Variants in PPARGC1A observed in about 807,000 individuals in gnomAD.
PPARGC1A encodes peroxisome proliferator-activated receptor gamma coactivator 1-alpha.
PPARGC1A carries 25 observed loss-of-function variants against 88.7 expected under a neutral mutation model. The observed-to-expected ratio is 0.28, with a 90% CI of 0.21 to 0.39. The LOEUF (loss-of-function observed/expected upper bound fraction) is 0.39, where lower values mean the gene tolerates loss of function less well. Among genes scored for constraint, PPARGC1A ranks in the 10% least tolerant of loss-of-function variants. PPARGC1A has a pLI of 1.00. For synonymous variants in PPARGC1A, 363 were observed against 355.6 expected, an observed-to-expected ratio of 1.02 and a Z score of -0.24; for missense variants, 880 against 968.7, an observed-to-expected ratio of 0.91 and a Z score of 1.22.
chr4:24,182,171 G>A, the PPARGC1A span, among the ~76,000 whole-genome samples: 3 of 152,058 alleles, frequency 2.0e-5, no homozygotes, highest in East Asian at 1.9e-4. Context: ...GACAGGCTTC[G>A]GTGTGTGATG....
the PPARGC1A span, among the ~76,000 whole-genome samples, chr4:24,157,351 G>C: frequency 1.3e-5 from 2 of 152,102 alleles, no homozygotes; most frequent in Admixed American, 1.3e-4. Context: ...TCTTCTAATA[G>C]TGTCAGCCTC....
At chr4:23,915,902 C>A in the PPARGC1A span, among the ~76,000 whole-genome samples, 123 of 152,324 alleles carry the variant, frequency 8.1e-4, 1 homozygote, top group Middle Eastern at 6.8e-3. Context: ...AAGGCCACCA[C>A]CCCCTCCCTG....
chr4:24,175,538 C>CT, the PPARGC1A span, among the ~76,000 whole-genome samples: 18,330 of 84,872 alleles, frequency 0.22, 2,681 homozygotes, highest in African/African-American at 0.28. Flanking sequence ...CCACACCAAG[C>CT]TTTTTTTTTT....
chr4:24,328,253 C>T, the PPARGC1A span, among the ~76,000 whole-genome samples: 17 of 37,354 alleles, frequency 4.6e-4, no homozygotes, highest in Non-Finnish European at 9.2e-4. Flanking sequence ...AATTAGCAGC[C>T]CCCCCCCCAA....
chr4:24,104,525 A>G, the PPARGC1A span, among the ~76,000 whole-genome samples: 1 of 152,174 alleles, frequency 6.6e-6, no homozygotes, highest in Non-Finnish European at 1.5e-5. Context: ...AGAAGAGGGA[A>G]GCAAAGGATG....
chr4:23,996,496 A>G, the PPARGC1A span, among the ~76,000 whole-genome samples: 1 of 152,132 alleles, frequency 6.6e-6, no homozygotes, highest in African/African-American at 2.4e-5. Context: ...GATCTGATCA[A>G]AGCCTAAAAG....
At chr4:24,263,700 T>A in the PPARGC1A span, among the ~76,000 whole-genome samples, 2 of 152,164 alleles carry the variant, frequency 1.3e-5, no homozygotes, top group South Asian at 4.1e-4. Flanking sequence ...TGAACACCTT[T>A]ATGATGATCC....
chr4:24,199,445 G>C, the PPARGC1A span, among the ~76,000 whole-genome samples: 2 of 152,156 alleles, frequency 1.3e-5, no homozygotes, highest in Admixed American at 1.3e-4. Flanking sequence ...AGCAAGGGGA[G>C]GGAACCACAA....
chr4:23,861,296 G>GA (rs1317505572), intron 2 of PPARGC1A, among the ~76,000 whole-genome samples: 2 of 152,210 alleles, frequency 1.3e-5, no homozygotes, highest in Non-Finnish European at 2.9e-5. Context: ...TGACGTATCT[G>GA]AAGATTTTGA....
chr4:24,051,186 T>TC, the PPARGC1A span, among the ~76,000 whole-genome samples: 1 of 6,378 alleles, frequency 1.6e-4, no homozygotes, highest in Non-Finnish European at 3.1e-4. Context: ...TGACTCTGTC[T>TC]CAAAAAAAAA....
At chr4:24,087,680 T>C in the PPARGC1A span, among the ~76,000 whole-genome samples, 3 of 152,216 alleles carry the variant, frequency 2.0e-5, no homozygotes, top group African/African-American at 2.4e-5. Context: ...CCTGGTGGCA[T>C]AAGCCACTGC....
At chr4:24,143,771 C>T in the PPARGC1A span, among the ~76,000 whole-genome samples, 1 of 152,172 alleles carries the variant, frequency 6.6e-6, no homozygotes, top group East Asian at 1.9e-4. Context: ...ATAAATAACA[C>T]AGACATGGCC....
chr4:24,269,596 T>C, the PPARGC1A span, among the ~76,000 whole-genome samples: 2 of 152,200 alleles, frequency 1.3e-5, no homozygotes, highest in Non-Finnish European at 2.9e-5. Flanking sequence ...GCGAGTATAA[T>C]AAAAGTATAT....
upstream of PPARGC1A, among the ~76,000 whole-genome samples, chr4:23,906,182 AC>A (rs1411008449): frequency 1.3e-5 from 2 of 152,160 alleles, no homozygotes; most frequent in Non-Finnish European, 2.9e-5. Flanking sequence ...ACTGAAGCAC[AC>A]CCCCAAGGAG....
the PPARGC1A span, among the ~76,000 whole-genome samples, chr4:24,194,670 C>CA: frequency 3.7e-3 from 13 of 3,502 alleles, no homozygotes; most frequent in African/African-American, 5.5e-3. Flanking sequence ...ACACACACAC[C>CA]CCCATCAAGA....
chr4:23,884,032 A>T (rs1205152138), intron 2 of PPARGC1A: 3 of 152,196 alleles, frequency 2.0e-5, no homozygotes, highest in Non-Finnish European at 4.4e-5. Context: ...CCTATAAAAA[A>T]TAATGTATTT....
At chr4:23,832,359 C>A (rs1342508166) in intron 2 of PPARGC1A, among the ~76,000 whole-genome samples, 8 of 152,064 alleles carry the variant, frequency 5.3e-5, no homozygotes, top group African/African-American at 1.9e-4. Flanking sequence ...CTACTGGACA[C>A]TTCTACTTCA....
chr4:24,034,947 G>A, the PPARGC1A span, among the ~76,000 whole-genome samples: 1 of 152,290 alleles, frequency 6.6e-6, no homozygotes, highest in East Asian at 1.9e-4. Context: ...ACTGAGAACA[G>A]CTCTGCAGCA....
the PPARGC1A span, among the ~76,000 whole-genome samples, chr4:24,037,610 C>T: frequency 6.6e-6 from 1 of 152,082 alleles, no homozygotes; most frequent in East Asian, 1.9e-4. Context: ...GCAGGGCATC[C>T]CTTGTTGAAT....
Sources: allele counts gnomAD v4.1 joint callset (sites outside exome capture counted in the v4.1 genomes callset), GRCh38; gene constraint gnomAD v4.1.1; transcripts MANE v1.5; gene names NCBI Gene and HGNC (gene_info 2026-07-23, HGNC 2026-07-21).